The following NLRP9 variants were observed in gnomAD, a reference collection of about 807,000 sequenced individuals.
The protein encoded by NLRP9 is NLR family pyrin domain containing 9.
A neutral mutation model predicts 83.1 loss-of-function variants in NLRP9; 88 were observed. The observed-to-expected ratio is 1.06, with a 90% CI of 0.89 to 1.26. The LOEUF is 1.26. Among genes scored for constraint, NLRP9 ranks in the 50% most tolerant of loss-of-function variants. The pLI, the probability that NLRP9 is intolerant of heterozygous loss-of-function variation, is 0.00. For missense variants in NLRP9, 1,308 were observed against 1,179.3 expected, an observed-to-expected ratio of 1.11 and a Z score of -1.60; for synonymous variants, 521 against 447.6, an observed-to-expected ratio of 1.16 and a Z score of -2.07.
At chr19:55,736,289 G>T (rs1988783087) in intron 1 of NLRP9, among the ~76,000 whole-genome samples, 1 of 152,058 alleles carries the variant, frequency 6.6e-6, no homozygotes, top group Non-Finnish European at 1.5e-5. Context: ...TACCTGGGAG[G>T]CTGAGGCAGG....
At chr19:55,723,365 A>G (rs1568599012) in intron 4 of NLRP9, among the ~76,000 whole-genome samples, 1 of 151,924 alleles carries the variant, frequency 6.6e-6, no homozygotes, top group Non-Finnish European at 1.5e-5. Flanking sequence ...GGGAAAAAAA[A>G]ATGTTGTTCT....
intron 8 of NLRP9, 47 bp from the exon 9 acceptor site, chr19:55,709,091 A>T (rs1234483488): frequency 5.6e-6 from 8 of 1,432,142 alleles, no homozygotes; most frequent in Non-Finnish European, 7.6e-6. Context: ...TCATTTTTAC[A>T]CAGTATTGCC....
chr19:55,712,503 A>G lies in NLRP9; in HGVS notation c.2589T>C (p.Leu863=), dbSNP rs1377508793. The change falls in exon 7 of 9, where the codon CTT becomes CTC. Residue 863 remains leucine (L), a synonymous_variant. Transcript: ENST00000332836. ...ICNGKLKTLK[L]GHNEIGDTGV... ...CAGTGTCTCCTATTTCATTATGCCCAAGTTTCAGGGTCTTCAGTTTCCCAT... is the reference window on the plus strand; with the variant it reads ...CAGTGTCTCCTATTTCATTATGCCCGAGTTTCAGGGTCTTCAGTTTCCCAT... 1.2e-6 allele frequency: 2 copies of G among 1,612,714 alleles called. No homozygotes were observed. The highest frequency in any genetic ancestry group is 1.7e-6 in the Non-Finnish European group (2 of 1,179,830).
Position 55,724,005 on chromosome 19 carries a change from G to T in NLRP9, c.2134C>A (p.Pro712Thr). The change falls in exon 4 of 9, where the codon CCA (proline) becomes ACA (threonine). Residue 712 changes from proline to threonine, a missense_variant. Physicochemically the swap from Pro to Thr is conservative, Grantham distance 38 (BLOSUM62 -1). Transcript: ENST00000332836. ...ATCAGCTCTTCTATCTTGCACATTGGATGTTTCAGCGTCTCACACAGGTGT... is the reference window on the plus strand; with the variant it reads ...ATCAGCTCTTCTATCTTGCACATTGTATGTTTCAGCGTCTCACACAGGTGT... ...IRHLCETLKH[P>T]MCKIEELILG... 1.9e-6 allele frequency: 3 copies of T among 1,613,988 alleles called. No individual in the cohort carries two copies. Among genetic ancestry groups the T allele is most frequent in the African/African-American group, 1.3e-5 (1 of 75,036 alleles).
intron 8 of NLRP9, among the ~76,000 whole-genome samples, chr19:55,711,135 G>A (rs1321738835): frequency 2.7e-5 from 4 of 150,510 alleles, no homozygotes; most frequent in Admixed American, 1.3e-4. Context: ...ACAACATATT[G>A]TGAACTTTTC....
chr19:55,735,756 T>C (rs1189359286), intron 1 of NLRP9, among the ~76,000 whole-genome samples: 1 of 152,102 alleles, frequency 6.6e-6, no homozygotes, highest in Non-Finnish European at 1.5e-5. Context: ...GGTGTGATTG[T>C]GGCTCACTGC....
At chr19:55,725,854 C>T (rs1988384845) in intron 3 of NLRP9, among the ~76,000 whole-genome samples, 1 of 151,952 alleles carries the variant, frequency 6.6e-6, no homozygotes, top group African/African-American at 2.4e-5. Flanking sequence ...TGATGAAACC[C>T]CATCTCTACT....
intron 4 of NLRP9, among the ~76,000 whole-genome samples, chr19:55,720,490 A>G (rs1988191106): frequency 6.6e-6 from 1 of 152,072 alleles, no homozygotes; most frequent in Non-Finnish European, 1.5e-5. Flanking sequence ...CCATACCTAG[A>G]TAATTTTTTT....
At chr19:55,715,371 C>T in intron 5 of NLRP9, 146 bp from the exon 6 acceptor site, 1 of 685,572 alleles carries the variant, frequency 1.5e-6, no homozygotes, top group Non-Finnish European at 2.4e-6. Context: ...CCAGATGTTC[C>T]TTGAACTCTG....
chr19:55,738,265 A>G lies in NLRP9; in HGVS notation c.110T>C (p.Phe37Ser). The change falls in exon 1 of 9, where the codon TTT becomes TCT. Residue 37 changes from phenylalanine (F) to serine (S), a missense_variant. Coordinates refer to ENST00000332836, the MANE Select transcript of NLRP9 (RefSeq NM_176820.4). ...KELLKQPLEK[F>S]ELKPIPWAEL... ...AGCCCAGGGGATTGGCTTGAGTTCA[A>G]ATTTCTCCAAAGGTTGTTTGAGGAG... 1 of 1,614,060 alleles carries G rather than the reference A, an allele frequency of 6.2e-7. No individual in the cohort carries two copies. The highest frequency in any genetic ancestry group is 1.6e-4 in the Middle Eastern group (1 of 6,062).
rs113103212 is a variant in NLRP9 at position 55,715,243 on chromosome 19, G to A, written c.2331-18C>T. 3.8e-4 allele frequency: 617 copies of A among 1,607,498 alleles called. No homozygotes were observed. Among genetic ancestry groups the A allele is most frequent in the Middle Eastern group, 1.5e-3 (9 of 6,032 alleles). On this transcript the variant is annotated intron_variant, in intron 5 of 8. Coordinates refer to ENST00000332836, the MANE Select transcript of NLRP9 (RefSeq NM_176820.4). ...ACATCAACCTGCAAAGAAACACACC[G>A]TCTCCCAGCCTGCTGAACAGCAGTA...
At chr19:55,713,050 G>GTCC (rs1467039887) in intron 6 of NLRP9, among the ~76,000 whole-genome samples, 1 of 148,996 alleles carries the variant, frequency 6.7e-6, no homozygotes, top group Non-Finnish European at 1.5e-5. Flanking sequence ...ACACTTTGGG[G>GTCC]TCCCTGCACT....
At chr19:55,711,468 G>A in intron 8 of NLRP9, 1 of 1,317,794 alleles carries the variant, frequency 7.6e-7, no homozygotes, top group Middle Eastern at 2.1e-4. Context: ...ATATTTATGG[G>A]CAACGTAAGT....
rs10711945 is a variant in NLRP9, at chr19:55,736,852, C to CA, written c.280+1242dup. Among the ~76,000 whole-genome samples the CA allele has an allele frequency of 2.8e-3, 414 of 146,194 alleles. 1 individual carries two copies. Among genetic ancestry groups the CA allele is most frequent in the Non-Finnish European group, 3.8e-3 (249 of 65,466 alleles). On this transcript the variant is annotated intron_variant, in intron 1 of 8. Coordinates refer to ENST00000332836, the MANE Select transcript of NLRP9 (RefSeq NM_176820.4). ...CCGTCTCAAAAAAATAAAACAAAAACAAAAAAAAAAACAAAAAACTAACAC... is the reference window on the plus strand; with the variant it reads ...CCGTCTCAAAAAAATAAAACAAAAACAAAAAAAAAAAACAAAAAACTAACAC...
At chr19:55,734,450 C>T (rs1345222868) in intron 1 of NLRP9, among the ~76,000 whole-genome samples, 1 of 147,024 alleles carries the variant, frequency 6.8e-6, no homozygotes, top group Non-Finnish European at 1.5e-5. Context: ...CCTTCCCCTA[C>T]TTTCTGCATT....
rs1987753280 is a variant in NLRP9, at chr19:55,712,041, T to TG, written c.2673-72dup. ...GGCTGGAAGGCACGCCATTGTTACT[T>TG]GCTAATTACACACCTCCCGGCAGGA... On this transcript the variant is annotated intron_variant, in intron 7 of 8. Coordinates refer to ENST00000332836, the MANE Select transcript of NLRP9 (RefSeq NM_176820.4). 2.0e-6 allele frequency: 3 copies of TG among 1,466,816 alleles called. No homozygotes were observed. In the African/African-American group the frequency reaches 4.1e-5, roughly 20 times the overall value. The allele number at this position is 1,466,816 out of a possible 1,614,324, so 90.9% of individuals were successfully genotyped here. A position where few individuals can be genotyped will look rare whatever the true frequency, so the allele number is the denominator to read the frequency against.
intron 3 of NLRP9, among the ~76,000 whole-genome samples, chr19:55,729,050 C>CTTTTTT (rs374589373): frequency 0.019 from 1,361 of 70,064 alleles, 37 homozygotes; most frequent in Non-Finnish European, 0.025. Flanking sequence ...TTTTCTTTTT[C>CTTTTTT]TTTTTTTTTT....
At chr19:55,727,482 T>C (rs1190842257) in intron 3 of NLRP9, among the ~76,000 whole-genome samples, 4 of 152,300 alleles carry the variant, frequency 2.6e-5, no homozygotes, top group Admixed American at 2.0e-4. Flanking sequence ...CAAAAATCAA[T>C]GACAAATGTC....
intron 2 of NLRP9, 52 bp from the exon 3 acceptor site, chr19:55,730,044 C>T: frequency 6.5e-7 from 1 of 1,540,078 alleles, no homozygotes; most frequent in South Asian, 1.1e-5. Context: ...CAATTCAAGA[C>T]ATTCTCAAAA....
Sources: allele counts gnomAD v4.1 joint callset (sites outside exome capture counted in the v4.1 genomes callset), GRCh38; gene constraint gnomAD v4.1.1; transcripts MANE v1.5; gene names NCBI Gene and HGNC (gene_info 2026-07-23, HGNC 2026-07-21).